CCAR1: variants seen among roughly 807,000 people sequenced by gnomAD.
CCAR1 encodes cell division cycle and apoptosis regulator 1.
Under a neutral mutation model 163.8 loss-of-function variants are expected in CCAR1, and 78 were observed. The ratio of observed to expected loss-of-function variants is 0.48; its 90% CI spans 0.40 to 0.57. The LOEUF is 0.57. CCAR1 is among the 20% of genes least tolerant of loss of function. CCAR1 has a pLI of 0.00. For synonymous variants in CCAR1, 443 were observed against 460.7 expected (o/e 0.96, Z 0.49); for missense variants, 1,019 against 1,365.2 (o/e 0.75, Z 4.00).
chr10:68,787,854 T>G (rs1046969747), intron 21 of CCAR1, 73 bp from the exon 22 acceptor site: 2 of 1,418,634 alleles, frequency 1.4e-6, no homozygotes, highest in Non-Finnish European at 1.9e-6. Flanking sequence ...GTGAAAATTA[T>G]ATCATAGTTT....
chr10:68,751,406 T>C (rs2056328726), intron 10 of CCAR1, among the ~76,000 whole-genome samples: 1 of 152,202 alleles, frequency 6.6e-6, no homozygotes, highest in Admixed American at 6.6e-5. Context: ...AGTCTGCATA[T>C]TTCCGAGAAA....
Position 68,754,059 on chromosome 10 carries a change from C to T in CCAR1, c.1326C>T (p.Asp442=), listed in dbSNP as rs765428397. The T allele has an allele frequency of 6.2e-6, 10 of 1,611,860 alleles. No individual in the cohort carries two copies. The South Asian group carries it at 1.1e-4, about 18-fold the overall frequency. The part of the protein sequence containing the change: ...NMAILDPPDA[D]HLYSAKVMLM... ...CCATTCTTGATCCACCAGATGCTGA[C>T]CACTTATACAGTGCAAAGGTTTGTA... The change falls in exon 11 of 25, where the codon GAC becomes GAT. Residue 442 remains aspartate (D), a synonymous_variant. Transcript: ENST00000265872.
Position 68,742,424 on chromosome 10 carries a change from A to G in CCAR1, c.373A>G (p.Thr125Ala), listed in dbSNP as rs2056194940. 3 of 1,614,024 alleles carry G rather than the reference A, an allele frequency of 1.9e-6. No homozygotes were observed. The highest frequency in any genetic ancestry group is 1.3e-5 in the African/African-American group (1 of 74,908). The change falls in exon 6 of 25, where the codon ACA (threonine) becomes GCA (alanine). Residue 125 changes from threonine to alanine, a missense_variant. Physicochemically the swap from Thr to Ala is moderately conservative, Grantham distance 58. Around this residue, in one of 4 missense-constraint regions of CCAR1, gnomAD observed 644 missense variants for 904.4 expected, o/e 0.71. Coordinates refer to ENST00000265872, the MANE Select transcript of CCAR1 (RefSeq NM_018237.4). ...CCTTAGCCTGTCTACTCCTCAGCCA[A>G]CAGCACAAATAACTGTATCATATCC... ...TSLSLSTPQP[T>A]AQITVSYPTP... is the part of the protein sequence containing the mutation.
chr10:68,755,764 A>G (rs1466544123), intron 13 of CCAR1, among the ~76,000 whole-genome samples: 2 of 152,230 alleles, frequency 1.3e-5, no homozygotes, highest in African/African-American at 4.8e-5. Flanking sequence ...ATGTTTTGTT[A>G]TGTTGTACTT....
intron 8 of CCAR1, among the ~76,000 whole-genome samples, 164 bp downstream of exon 8, chr10:68,747,730 T>TC (rs922576972): frequency 6.6e-6 from 1 of 152,202 alleles, no homozygotes; most frequent in Non-Finnish European, 1.5e-5. Flanking sequence ...TATTTTTTTT[T>TC]CTCTTAGTGA....
In CCAR1 at chr10:68,747,394, A is replaced by G. The variant is rs770194485; in HGVS notation, c.654A>G (p.Pro218=). The G allele has an allele frequency of 5.6e-6, 9 of 1,613,258 alleles. No individual in the cohort carries two copies. Among genetic ancestry groups the G allele is most frequent in the Non-Finnish European group, 6.8e-6 (8 of 1,179,840 alleles). ...TGAAGAATCAGTCGCAAACCCAGCC[A>G]TTACTGAAGACTCCTCCTGCTGTAC... ...LPNQNQSQTQ[P]LLKTPPAVLQ... Residue 218 remains proline, a synonymous_variant, in exon 8 of 25, where the codon CCA becomes CCG. Transcript: ENST00000265872.
At chr10:68,753,757 T>G in intron 10 of CCAR1, 95 bp from the exon 11 acceptor site, 1 of 909,232 alleles carries the variant, frequency 1.1e-6, no homozygotes, top group Non-Finnish European at 1.7e-6. Flanking sequence ...TCAGCTTACT[T>G]TTTACTATAT....
chr10:68,782,656 G>T (rs896333708), intron 19 of CCAR1, among the ~76,000 whole-genome samples: 1 of 152,158 alleles, frequency 6.6e-6, no homozygotes, highest in Non-Finnish European at 1.5e-5. Flanking sequence ...GCTGAAGCCA[G>T]TACTCATTTA....
chr10:68,786,027 C>G (rs990154695), intron 19 of CCAR1, 109 bp from the exon 20 acceptor site: 8 of 700,464 alleles, frequency 1.1e-5, no homozygotes, highest in Non-Finnish European at 2.0e-5. Context: ...ACTACACCCT[C>G]GAACGCCTGG....
At chr10:68,737,078 T>C (rs769989079) in intron 3 of CCAR1, 30 bp downstream of exon 3, 5 of 1,536,944 alleles carry the variant, frequency 3.3e-6, no homozygotes, top group Non-Finnish European at 4.5e-6. Context: ...TATTATTTGA[T>C]GTAGAAAACT....
chr10:68,747,391 G>A lies in CCAR1; in HGVS notation c.651G>A (p.Gln217=), dbSNP rs781562064. The A allele has an allele frequency of 1.2e-6, 2 of 1,613,084 alleles. No individual in the cohort carries two copies. The highest frequency in any genetic ancestry group is 2.2e-5 in the South Asian group (2 of 90,792). The part of the protein sequence containing the change: ...TLPNQNQSQT[Q]PLLKTPPAVL... Reference sequence around the variant, plus strand: ...AATTGAAGAATCAGTCGCAAACCCAGCCATTACTGAAGACTCCTCCTGCTG... The same window carrying A: ...AATTGAAGAATCAGTCGCAAACCCAACCATTACTGAAGACTCCTCCTGCTG... The change falls in exon 8 of 25, where the codon CAG becomes CAA. Residue 217 remains glutamine, a synonymous_variant. Coordinates refer to ENST00000265872, the MANE Select transcript of CCAR1 (RefSeq NM_018237.4).
At chr10:68,789,612 T>C (rs1281846110) in intron 23 of CCAR1, 98 bp from the exon 24 acceptor site, 1 of 701,952 alleles carries the variant, frequency 1.4e-6, no homozygotes, top group South Asian at 2.0e-5. Context: ...TATGGAATTC[T>C]ATCAGCTTTT....
intron 4 of CCAR1, 67 bp downstream of exon 4, chr10:68,737,956 TA>T: frequency 9.7e-7 from 1 of 1,035,924 alleles, no homozygotes; most frequent in South Asian, 1.4e-5. Context: ...GTTCAATTGA[TA>T]GAGAGTTTTA....
intron 2 of CCAR1, among the ~76,000 whole-genome samples, chr10:68,725,323 G>A (rs1472060542): frequency 6.6e-6 from 1 of 151,940 alleles, no homozygotes; most frequent in East Asian, 1.9e-4. Flanking sequence ...AATTAGACGG[G>A]CGTGGCAGAG....
intron 16 of CCAR1, among the ~76,000 whole-genome samples, chr10:68,761,817 G>T (rs1488897668): frequency 1.3e-5 from 2 of 150,772 alleles, no homozygotes; most frequent in African/African-American, 4.9e-5. Context: ...GGTCAGGCTG[G>T]TCTCGAACTC....
At chr10:68,790,293 T>G (rs532775249) in intron 24 of CCAR1, among the ~76,000 whole-genome samples, 2 of 151,962 alleles carry the variant, frequency 1.3e-5, no homozygotes, top group East Asian at 3.9e-4. Context: ...AAGCAGAGGT[T>G]TCAGTGAGTC....
At chr10:68,784,748 C>T (rs559223507) in intron 19 of CCAR1, among the ~76,000 whole-genome samples, 3 of 152,070 alleles carry the variant, frequency 2.0e-5, no homozygotes, top group South Asian at 4.2e-4. Context: ...GACCGGGTCT[C>T]ATTATGTTGC....
At position 68,736,874 on chromosome 10, in the gene CCAR1, A is replaced by G; in HGVS notation, c.74-2A>G. ...ATTTTTTCCTTTTTGATTTCATTTT[A>G]GCTGCACTGGGTGTTCAACAGCCAT... On this transcript the variant is annotated splice_acceptor_variant, in intron 2 of 24. Transcript: ENST00000265872. LOFTEE classifies it high-confidence loss of function. 1 of 1,585,358 alleles carries G rather than the reference A, an allele frequency of 6.3e-7. No homozygotes were observed. Among genetic ancestry groups the G allele is most frequent in the Non-Finnish European group, 8.6e-7 (1 of 1,168,658 alleles).
At chr10:68,769,134 A>C (rs1432125273) in intron 17 of CCAR1, among the ~76,000 whole-genome samples, 1 of 152,024 alleles carries the variant, frequency 6.6e-6, no homozygotes, top group Non-Finnish European at 1.5e-5. Context: ...GTGCCTACAC[A>C]CCCAGCTAAT....
Sources: gnomAD v4.1 joint callset for allele counts (sites outside exome capture counted in the v4.1 genomes callset) on GRCh38, gnomAD v4.1.1 for gene constraint, gnomAD v4.1.1 regional missense constraint, MANE v1.5 for transcripts, NCBI Gene and HGNC (gene_info 2026-07-23, HGNC 2026-07-21) for gene names.